SUZ12: variants seen among roughly 807,000 people sequenced by gnomAD.
The protein encoded by SUZ12 is SUZ12 polycomb repressive complex 2 subunit.
In SUZ12, 17 loss-of-function variants were observed where a neutral mutation model predicts 87.3. That is an observed-to-expected ratio of 0.19 (90% CI 0.13 to 0.29). The LOEUF is 0.29. SUZ12 is among the 10% of genes least tolerant of loss of function. The pLI, the probability that SUZ12 is intolerant of heterozygous loss-of-function variation, is 1.00. For missense variants in SUZ12, 526 were observed against 912.2 expected, an observed-to-expected ratio of 0.58 and a Z score of 5.45; for synonymous variants, 253 against 312.4, an observed-to-expected ratio of 0.81 and a Z score of 2.01.
At chr17:31,984,921 C>G (rs931693371) in intron 9 of SUZ12, among the ~76,000 whole-genome samples, 1 of 152,234 alleles carries the variant, frequency 6.6e-6, no homozygotes, top group Admixed American at 6.5e-5. Context: ...TTTGGGAAGC[C>G]AAGGCGGGTG....
intron 4 of SUZ12, among the ~76,000 whole-genome samples, chr17:31,963,415 T>G (rs1332085580): frequency 3.3e-5 from 5 of 152,170 alleles, no homozygotes; most frequent in Non-Finnish European, 5.9e-5. Flanking sequence ...CCGCCTCATC[T>G]CCCAAAGTGC....
chr17:31,953,216 G>A (rs1005320025), intron 4 of SUZ12, among the ~76,000 whole-genome samples: 7 of 151,594 alleles, frequency 4.6e-5, no homozygotes, highest in African/African-American at 7.3e-5. Context: ...AGCAATTCTC[G>A]AGCCTCAGCT....
intron 4 of SUZ12, among the ~76,000 whole-genome samples, chr17:31,957,061 C>T (rs780257285): frequency 6.6e-6 from 1 of 152,182 alleles, no homozygotes; most frequent in Admixed American, 6.6e-5. Context: ...AGGCCTGTGC[C>T]AGCGTGCCTG....
intron 5 of SUZ12, among the ~76,000 whole-genome samples, chr17:31,968,383 A>G (rs959456030): frequency 6.6e-6 from 1 of 152,040 alleles, no homozygotes; most frequent in African/African-American, 2.4e-5. Context: ...CGTTCCCACC[A>G]TGCCTGGCTA....
intron 1 of SUZ12, among the ~76,000 whole-genome samples, chr17:31,938,965 T>C (rs1906106741): frequency 6.6e-6 from 1 of 152,220 alleles, no homozygotes; most frequent in Non-Finnish European, 1.5e-5. Context: ...TTATTTCTAT[T>C]TGGTTTATTC....
intron 8 of SUZ12, among the ~76,000 whole-genome samples, chr17:31,978,611 A>T (rs1304154919): frequency 6.6e-6 from 1 of 152,310 alleles, no homozygotes; most frequent in East Asian, 1.9e-4. Flanking sequence ...TGTGGGGGAA[A>T]CAATTAGAAT....
intron 5 of SUZ12, among the ~76,000 whole-genome samples, chr17:31,970,487 G>A (rs996797062): frequency 7.2e-5 from 11 of 152,074 alleles, no homozygotes; most frequent in Non-Finnish European, 1.2e-4. Context: ...AATTAGCTGG[G>A]AATGGTGTTT....
chr17:31,951,931 C>T (rs1361460942), intron 4 of SUZ12, among the ~76,000 whole-genome samples: 3 of 151,858 alleles, frequency 2.0e-5, no homozygotes, highest in Non-Finnish European at 2.9e-5. Flanking sequence ...TGCCCTACCA[C>T]GTCCAACTAA....
rs529839087 is a variant in SUZ12 at position 31,982,574 on chromosome 17, G to A, written c.918-425G>A. On this transcript the variant is annotated intron_variant, in intron 8 of 15. Coordinates refer to ENST00000322652, the MANE Select transcript of SUZ12 (RefSeq NM_015355.4). The stretch of plus-strand genomic sequence containing the variant: ...CTCGGGAGGCTGAGGCAGGAGAATC[G>A]CTTGAACCTGGGCAGCAGAGATTGT... Among the ~76,000 whole-genome samples the A allele has an allele frequency of 7.9e-5, 12 of 152,256 alleles. No individual in the cohort carries two copies. In the East Asian group the frequency reaches 9.6e-4, roughly 12 times the overall value.
At chr17:31,942,909 T>C (rs1906392927) in intron 3 of SUZ12, among the ~76,000 whole-genome samples, 1 of 152,184 alleles carries the variant, frequency 6.6e-6, no homozygotes, top group Admixed American at 6.5e-5. Flanking sequence ...GTATTGTCAT[T>C]ATAGTTTTAG....
At chr17:31,983,220 T>C in intron 9 of SUZ12, 116 bp downstream of exon 9, 1 of 980,472 alleles carries the variant, frequency 1.0e-6, no homozygotes. Context: ...TTTTTTATAC[T>C]TTAAAAAACA....
chr17:31,988,597 CTT>C (rs57744180), intron 10 of SUZ12, 100 bp downstream of exon 10: 2,889 of 946,650 alleles, frequency 3.1e-3, no homozygotes, highest in South Asian at 5.3e-3. Flanking sequence ...TGTGATTCTT[CTT>C]TTTTTTTTTT....
At chr17:31,995,114 A>G (rs914205271) in intron 13 of SUZ12, among the ~76,000 whole-genome samples, 2 of 152,234 alleles carry the variant, frequency 1.3e-5, no homozygotes, top group African/African-American at 4.8e-5. Flanking sequence ...AATAATAGTA[A>G]TAAAAAAATT....
intron 11 of SUZ12, among the ~76,000 whole-genome samples, 156 bp downstream of exon 11, chr17:31,993,489 T>C (rs1323369135): frequency 6.6e-6 from 1 of 152,176 alleles, no homozygotes; most frequent in African/African-American, 2.4e-5. Context: ...TGGTGCAGTC[T>C]TGGCTCACTG....
chr17:31,972,047 G>C (rs2142171929), intron 5 of SUZ12, among the ~76,000 whole-genome samples: 1 of 152,024 alleles, frequency 6.6e-6, no homozygotes, highest in East Asian at 2.0e-4. Context: ...ATTTTGGGAG[G>C]CCAAGGCAGG....
Position 31,994,601 on chromosome 17 carries a change from A to G in SUZ12, c.1475A>G (p.Asn492Ser), listed in dbSNP as rs368697533. 8 of 1,613,644 alleles carry G rather than the reference A, an allele frequency of 5.0e-6. No individual in the cohort carries two copies. Among genetic ancestry groups the G allele is most frequent in the East Asian group, 2.2e-5 (1 of 44,874 alleles). ...GGTGCTAGGATAGATGTTTCTATCAATGAGTGTTATGATGGCTCCTATGCA... is the reference window on the plus strand; with the variant it reads ...GGTGCTAGGATAGATGTTTCTATCAGTGAGTGTTATGATGGCTCCTATGCA... ...PKGARIDVSI[N>S]ECYDGSYAGN... Residue 492 changes from asparagine (N) to serine (S), a missense_variant, in exon 13 of 16, where the codon AAT becomes AGT. Transcript: ENST00000322652.
rs1905983853 is a variant in SUZ12, at chr17:31,937,227, G to T, written c.-20G>T. Reference sequence around the variant, plus strand: ...GGCCGCCCGGCGGGTAGCTGGCGGGGGGAGGAGGCAGGAACCGCGATGGCG... The same window carrying T: ...GGCCGCCCGGCGGGTAGCTGGCGGGTGGAGGAGGCAGGAACCGCGATGGCG... On this transcript the variant is annotated 5_prime_UTR_variant, in exon 1 of 16. Coordinates refer to ENST00000322652, the MANE Select transcript of SUZ12 (RefSeq NM_015355.4). 3.6e-6 allele frequency: 5 copies of T among 1,401,158 alleles called. No individual in the cohort carries two copies. The East Asian group carries it at 1.2e-4, about 34-fold the overall frequency. 86.8% of individuals were successfully genotyped at this position (1,401,158 alleles called of 1,614,324 possible).
intron 9 of SUZ12, among the ~76,000 whole-genome samples, chr17:31,986,836 C>T (rs1225965185): frequency 6.6e-6 from 1 of 152,218 alleles, no homozygotes; most frequent in Admixed American, 6.5e-5. Context: ...AGGCGTGTGC[C>T]ATTGCGCCCG....
chr17:31,993,385 G>A (rs377506280), intron 11 of SUZ12, 52 bp downstream of exon 11: 1 of 1,198,548 alleles, frequency 8.3e-7, no homozygotes, highest in East Asian at 2.5e-5. Flanking sequence ...TTTGTTTTTT[G>A]TATGTCAAAC....
Sources: allele counts gnomAD v4.1 joint callset (sites outside exome capture counted in the v4.1 genomes callset), GRCh38; gene constraint gnomAD v4.1.1; transcripts MANE v1.5; gene names NCBI Gene and HGNC (gene_info 2026-07-23, HGNC 2026-07-21).